ACSM3: variants seen among roughly 807,000 people sequenced by gnomAD.
ACSM3 encodes acyl-CoA synthetase medium chain family member 3.
ACSM3 carries 61 observed loss-of-function variants against 74.1 expected under a neutral mutation model. The ratio of observed to expected loss-of-function variants is 0.82; its 90% CI spans 0.67 to 1.02. The LOEUF is 1.02. Ranked by LOEUF, ACSM3 falls within the 50% of genes least tolerant of loss-of-function variation. ACSM3 has a pLI of 0.00. For missense variants in ACSM3, 660 were observed against 697.0 expected (o/e 0.95, Z 0.60); for synonymous variants, 213 against 241.5 (o/e 0.88, Z 1.09).
chr16:20,742,681 G>A (rs1419048283), intron 1 of ACSM3, among the ~76,000 whole-genome samples: 3 of 150,150 alleles, frequency 2.0e-5, no homozygotes, highest in East Asian at 1.9e-4. Flanking sequence ...CAGGCCACAC[G>A]GAAGCTTCTT....
chr16:20,730,598 C>T (rs1178079868), intron 1 of ACSM3, among the ~76,000 whole-genome samples: 1 of 152,090 alleles, frequency 6.6e-6, no homozygotes, highest in Non-Finnish European at 1.5e-5. Flanking sequence ...CCTCTTATAC[C>T]CCCTCCACTC....
At chr16:20,738,807 C>G in intron 1 of ACSM3, 1 of 1,466,172 alleles carries the variant, frequency 6.8e-7, no homozygotes, top group Middle Eastern at 2.3e-4. Context: ...TGAGTCATGC[C>G]CAAGAAGCCA....
intron 1 of ACSM3, chr16:20,727,448 C>G (rs1235094651): frequency 4.0e-6 from 2 of 500,130 alleles, no homozygotes; most frequent in South Asian, 1.6e-5. Flanking sequence ...TACATGAGAG[C>G]TATGGACAGA....
chr16:20,791,561 C>T (rs2080597489), intron 10 of ACSM3, among the ~76,000 whole-genome samples: 1 of 152,164 alleles, frequency 6.6e-6, no homozygotes, highest in African/African-American at 2.4e-5. Flanking sequence ...TCTTTATTTT[C>T]ACAATCTATC....
intron 2 of ACSM3, among the ~76,000 whole-genome samples, chr16:20,773,049 T>A (rs1471147620): frequency 6.6e-6 from 1 of 152,178 alleles, no homozygotes; most frequent in Admixed American, 6.6e-5. Flanking sequence ...CTTTTTTTAT[T>A]ACTGATTCAA....
intron 2 of ACSM3, among the ~76,000 whole-genome samples, chr16:20,754,654 T>C (rs1197268793): frequency 6.6e-6 from 1 of 152,214 alleles, no homozygotes; most frequent in East Asian, 1.9e-4. Flanking sequence ...ATCAGTTTGC[T>C]CACATGTATG....
intron 1 of ACSM3, among the ~76,000 whole-genome samples, chr16:20,694,491 C>T (rs1244044295): frequency 3.9e-5 from 6 of 152,214 alleles, no homozygotes; most frequent in Admixed American, 3.3e-4. Flanking sequence ...CAACACACAC[C>T]TCCTTCCACA....
chr16:20,748,162 G>A lies in ACSM3; in HGVS notation c.-189-1748G>A, dbSNP rs957754343. Among the ~76,000 whole-genome samples, 120 of 151,014 alleles carry A rather than the reference G, an allele frequency of 7.9e-4. 10 individuals are homozygous for A. The highest frequency in any genetic ancestry group is 2.0e-4 in the African/African-American group (8 of 40,754). On this transcript the variant is annotated intron_variant, in intron 1 of 3. Coordinates refer to the ACSM3 transcript ENST00000561584. Reference sequence around the variant, plus strand: ...CAAAAAATAAATAAATAAATAAATAGATAGATAAATAAATAAATAAACAAA... The same window carrying A: ...CAAAAAATAAATAAATAAATAAATAAATAGATAAATAAATAAATAAACAAA...
At chr16:20,736,591 A>T in intron 1 of ACSM3, 1 of 340,574 alleles carries the variant, frequency 2.9e-6, no homozygotes, top group South Asian at 6.3e-5. Context: ...CACTCCCTTA[A>T]GTCAGCTGGC....
At chr16:20,690,266 C>T (rs2079629729) in intron 1 of ACSM3, among the ~76,000 whole-genome samples, 1 of 152,182 alleles carries the variant, frequency 6.6e-6, no homozygotes, top group Admixed American at 6.5e-5. Context: ...ACTTTTTACA[C>T]TACCATATTG....
chr16:20,756,840 G>A (rs904523106), intron 3 of ACSM3, among the ~76,000 whole-genome samples: 7 of 152,096 alleles, frequency 4.6e-5, no homozygotes, highest in African/African-American at 1.4e-4. Flanking sequence ...TCCAGTTTCA[G>A]CTTTCTACAT....
chr16:20,781,982 A>T (rs185451727), intron 7 of ACSM3, among the ~76,000 whole-genome samples, 195 bp downstream of exon 7: 215 of 152,288 alleles, frequency 1.4e-3, no homozygotes, highest in Non-Finnish European at 2.5e-3. Context: ...GATCCCCCAA[A>T]CAAGAAGAAA....
intron 1 of ACSM3, among the ~76,000 whole-genome samples, chr16:20,715,960 T>C (rs968753615): frequency 6.6e-6 from 1 of 152,198 alleles, no homozygotes; most frequent in Non-Finnish European, 1.5e-5. Context: ...TCAGGCTGGC[T>C]GCCAGCTGAA....
At chr16:20,706,511 A>T (rs1286332906) in intron 1 of ACSM3, among the ~76,000 whole-genome samples, 3 of 152,216 alleles carry the variant, frequency 2.0e-5, no homozygotes, top group Non-Finnish European at 4.4e-5. Context: ...GAACCTGGGG[A>T]TTTAGGCAGG....
At chr16:20,775,652 G>A (rs1404319193) in intron 2 of ACSM3, among the ~76,000 whole-genome samples, 187 bp from the exon 3 acceptor site, 1 of 152,182 alleles carries the variant, frequency 6.6e-6, no homozygotes, top group African/African-American at 2.4e-5. Context: ...GGTAGGAGGT[G>A]AGTACTGGGC....
At chr16:20,700,712 G>A (rs898386606) in intron 1 of ACSM3, among the ~76,000 whole-genome samples, 70 of 152,106 alleles carry the variant, frequency 4.6e-4, no homozygotes, top group African/African-American at 1.3e-3. Context: ...TGGAAGTCTC[G>A]TGAAGATTTT....
At chr16:20,707,970 AAAC>A (rs1236330411) in intron 1 of ACSM3, among the ~76,000 whole-genome samples, 1 of 152,222 alleles carries the variant, frequency 6.6e-6, no homozygotes, top group Non-Finnish European at 1.5e-5. Flanking sequence ...AAACACACCT[AAAC>A]AACTAAATGA....
At chr16:20,726,205 T>C (rs2079805415) in intron 1 of ACSM3, among the ~76,000 whole-genome samples, 2 of 152,368 alleles carry the variant, frequency 1.3e-5, no homozygotes, top group South Asian at 2.1e-4. Flanking sequence ...ATATTTATAC[T>C]GCCTTGAAGA....
chr16:20,690,451 A>G (rs2079632974), intron 1 of ACSM3, among the ~76,000 whole-genome samples: 1 of 152,194 alleles, frequency 6.6e-6, no homozygotes, highest in African/African-American at 2.4e-5. Flanking sequence ...GACATACCTT[A>G]AAGCCACAGT....
Sources: gnomAD v4.1 joint callset for allele counts (sites outside exome capture counted in the v4.1 genomes callset) on GRCh38, gnomAD v4.1.1 for gene constraint, MANE v1.5 for transcripts, NCBI Gene and HGNC (gene_info 2026-07-23, HGNC 2026-07-21) for gene names.